The following PEX7 variants were observed in gnomAD, a reference collection of about 807,000 sequenced individuals.
The protein encoded by PEX7 is PTS2 receptor.
Under a neutral mutation model 47.5 loss-of-function variants are expected in PEX7, and 34 were observed. The ratio of observed to expected loss-of-function variants is 0.72; its 90% CI spans 0.54 to 0.95. PEX7 has a LOEUF of 0.95. Ranked by LOEUF, PEX7 falls within the 40% of genes least tolerant of loss-of-function variation. PEX7 has a pLI of 0.00. For synonymous variants in PEX7, 141 were observed against 148.8 expected (o/e 0.95, Z 0.38); for missense variants, 394 against 400.3 (o/e 0.98, Z 0.13).
chr6:136,871,514 T>G (rs1169631371), intron 7 of PEX7, among the ~76,000 whole-genome samples: 4 of 152,236 alleles, frequency 2.6e-5, no homozygotes, highest in African/African-American at 9.6e-5. Flanking sequence ...TCTTATATAC[T>G]TAAATCCCTT....
chr6:136,837,169 GC>G lies in PEX7; in HGVS notation c.340-8445del, dbSNP rs796102005. On this transcript the variant is annotated intron_variant, in intron 3 of 9. Coordinates refer to ENST00000318471, the MANE Select transcript of PEX7 (RefSeq NM_000288.4). ...GGGTCAGGAGATTGAGACCATCCTG[GC>G]TAACACGGTGAAACCCTGTATCTAC... 2.0e-4 allele frequency among the ~76,000 whole-genome samples: 31 copies of G among 151,890 alleles called. 1 individual carries two copies. Among genetic ancestry groups the G allele is most frequent in the African/African-American group, 6.8e-4 (28 of 41,426 alleles).
intron 8 of PEX7, among the ~76,000 whole-genome samples, chr6:136,886,773 CT>C (rs1408379875): frequency 6.6e-6 from 1 of 152,108 alleles, no homozygotes; most frequent in Non-Finnish European, 1.5e-5. Flanking sequence ...ACCAGAGGGG[CT>C]GGGCACAGTG....
intron 3 of PEX7, among the ~76,000 whole-genome samples, chr6:136,829,739 C>T (rs1384802616): frequency 1.3e-5 from 2 of 152,184 alleles, no homozygotes; most frequent in South Asian, 4.2e-4. Context: ...GAGTTTGGGA[C>T]CAGCCTGGCC....
Position 136,913,434 on chromosome 6 carries a change from TCTTA to T in PEX7, c.904-20_904-17del, listed in dbSNP as rs770302501. On this transcript the variant is annotated intron_variant, in intron 9 of 9. Transcript: ENST00000318471. The stretch of plus-strand genomic sequence containing the variant: ...TTTTTGTATGTCTAAATACGTTTCT[TCTTA>T]CTTCATTTTTGTTTTCTAGGTGGCT... 2.6e-6 allele frequency: 4 copies of T among 1,561,040 alleles called. No homozygotes were observed. Among genetic ancestry groups the T allele is most frequent in the East Asian group, 2.2e-5 (1 of 44,548 alleles).
chr6:136,891,755 C>T (rs1775559240), intron 8 of PEX7, among the ~76,000 whole-genome samples: 1 of 151,972 alleles, frequency 6.6e-6, no homozygotes, highest in Non-Finnish European at 1.5e-5. Flanking sequence ...ATCCTCCTGC[C>T]TCAGCCTCCC....
chr6:136,859,760 C>A (rs1175527039), intron 5 of PEX7, among the ~76,000 whole-genome samples: 6 of 152,112 alleles, frequency 3.9e-5, no homozygotes, highest in Admixed American at 1.3e-4. Context: ...CAGTGGCTCA[C>A]ATCTGTAATC....
At chr6:136,903,880 C>G (rs369900391) in intron 9 of PEX7, among the ~76,000 whole-genome samples, 16 of 151,376 alleles carry the variant, frequency 1.1e-4, no homozygotes, top group African/African-American at 3.9e-4. Flanking sequence ...CTGTGTTGCC[C>G]AGGCTGGTCT....
intron 8 of PEX7, among the ~76,000 whole-genome samples, chr6:136,897,829 TTG>T (rs1775677759): frequency 6.6e-6 from 1 of 152,170 alleles, no homozygotes; most frequent in South Asian, 2.1e-4. Flanking sequence ...CTCAATGTCC[TTG>T]TGCAATATAA....
intron 8 of PEX7, among the ~76,000 whole-genome samples, chr6:136,887,010 A>G (rs1023995399): frequency 3.3e-5 from 5 of 152,126 alleles, no homozygotes; most frequent in African/African-American, 9.7e-5. Flanking sequence ...TGTTTGCAAC[A>G]TTGTACTGCC....
At chr6:136,871,207 G>A (rs931719351) in intron 7 of PEX7, among the ~76,000 whole-genome samples, 1 of 152,106 alleles carries the variant, frequency 6.6e-6, no homozygotes, top group African/African-American at 2.4e-5. Context: ...ACTAAGTGCT[G>A]GTCAAATGTA....
chr6:136,832,493 C>T (rs1187271985), intron 3 of PEX7, among the ~76,000 whole-genome samples: 1 of 152,236 alleles, frequency 6.6e-6, no homozygotes, highest in African/African-American at 2.4e-5. Context: ...GTTACTTATA[C>T]AAATTTCTGC....
chr6:136,837,500 C>T (rs1014094695), intron 3 of PEX7, among the ~76,000 whole-genome samples: 2 of 151,812 alleles, frequency 1.3e-5, no homozygotes, highest in African/African-American at 2.4e-5. Context: ...AAAAAAAGTA[C>T]ATATTTCTTT....
chr6:136,910,211 A>G (rs74348021), intron 9 of PEX7, among the ~76,000 whole-genome samples: 2,447 of 152,314 alleles, frequency 0.016, 80 homozygotes, highest in African/African-American at 0.056. Context: ...TGTTGAGCCA[A>G]TATTCATTGA....
At chr6:136,873,075 A>G (rs1419371513) in intron 8 of PEX7, among the ~76,000 whole-genome samples, 3 of 152,086 alleles carry the variant, frequency 2.0e-5, no homozygotes, top group African/African-American at 7.2e-5. Flanking sequence ...TTTGTATTCA[A>G]TTTTAGGGTT....
intron 3 of PEX7, among the ~76,000 whole-genome samples, chr6:136,837,597 G>A (rs1774415106): frequency 6.6e-6 from 1 of 152,036 alleles, no homozygotes; most frequent in South Asian, 2.1e-4. Flanking sequence ...TCTAAATACT[G>A]TTTGCCACTA....
At chr6:136,862,706 A>G (rs1340110264) in intron 5 of PEX7, among the ~76,000 whole-genome samples, 1 of 152,178 alleles carries the variant, frequency 6.6e-6, no homozygotes, top group African/African-American at 2.4e-5. Flanking sequence ...AAATGCTACC[A>G]TAAGAGGACA....
intron 5 of PEX7, among the ~76,000 whole-genome samples, chr6:136,849,595 T>C (rs1774698011): frequency 6.6e-6 from 1 of 152,202 alleles, no homozygotes; most frequent in Non-Finnish European, 1.5e-5. Context: ...TATTTCTGCC[T>C]TCATTTCGTT....
chr6:136,868,371 T>G (rs1408968859), intron 6 of PEX7, among the ~76,000 whole-genome samples: 2 of 152,266 alleles, frequency 1.3e-5, no homozygotes, highest in African/African-American at 4.8e-5. Flanking sequence ...TTAAATTAAT[T>G]AAAGTTAAAA....
At chr6:136,823,116 C>G in intron 1 of PEX7, 1 of 985,430 alleles carries the variant, frequency 1.0e-6, no homozygotes, top group South Asian at 4.7e-5. Context: ...TAGGGAGAGC[C>G]GGGGGAGCCT....
Sources: allele counts gnomAD v4.1 joint callset (sites outside exome capture counted in the v4.1 genomes callset), GRCh38; gene constraint gnomAD v4.1.1; transcripts MANE v1.5; gene names NCBI Gene and HGNC (gene_info 2026-07-23, HGNC 2026-07-21).